ABCB1: variants seen among roughly 807,000 people sequenced by gnomAD.
ABCB1 encodes ATP-dependent translocase ABCB1.
In ABCB1, 69 loss-of-function variants were observed where a neutral mutation model predicts 142.0. The observed-to-expected ratio is 0.49, with a 90% confidence interval of 0.40 to 0.59. The LOEUF (loss-of-function observed/expected upper bound fraction) is 0.59. ABCB1 is among the 20% of genes least tolerant of loss of function. The pLI, the probability that ABCB1 is intolerant of heterozygous loss-of-function variation, is 0.00. For missense variants in ABCB1, 1,326 were observed against 1,554.7 expected, an observed-to-expected ratio of 0.85 and a Z score of 2.47; for synonymous variants, 532 against 539.2, an observed-to-expected ratio of 0.99 and a Z score of 0.18.
intron 1 of ABCB1, among the ~76,000 whole-genome samples, chr7:87,622,709 A>C (rs1296286556): frequency 6.6e-6 from 1 of 152,166 alleles, no homozygotes; most frequent in Non-Finnish European, 1.5e-5. Flanking sequence ...TTACTTTCTC[A>C]AAAAGGCAGT....
chr7:87,635,154 C>G (rs1368580361), intron 1 of ABCB1, among the ~76,000 whole-genome samples: 1 of 152,154 alleles, frequency 6.6e-6, no homozygotes, highest in African/African-American at 2.4e-5. Context: ...CTTCTATTCC[C>G]TCTTACAGGT....
At chr7:87,679,428 A>T (rs1025879355) in intron 1 of ABCB1, among the ~76,000 whole-genome samples, 6 of 148,950 alleles carry the variant, frequency 4.0e-5, no homozygotes, top group Admixed American at 2.0e-4. Context: ...TCACCCTGTC[A>T]CCCAGGTTGG....
chr7:87,709,326 A>G (rs373138837), intron 1 of ABCB1: 8 of 985,194 alleles, frequency 8.1e-6, no homozygotes, highest in Non-Finnish European at 8.4e-6. Flanking sequence ...AGACACCGCT[A>G]CTAGTTTCTG....
At chr7:87,574,261 C>T (rs1195028994) in intron 4 of ABCB1, among the ~76,000 whole-genome samples, 2 of 152,154 alleles carry the variant, frequency 1.3e-5, no homozygotes, top group Admixed American at 1.3e-4. Context: ...GACGAGAGAG[C>T]TTGACGGAAT....
intron 1 of ABCB1, among the ~76,000 whole-genome samples, chr7:87,687,548 A>G (rs936705577): frequency 6.6e-6 from 1 of 152,176 alleles, no homozygotes; most frequent in Non-Finnish European, 1.5e-5. Flanking sequence ...TACCAGGACT[A>G]AGATCTTCAT....
chr7:87,689,984 T>G (rs897531897), intron 1 of ABCB1, among the ~76,000 whole-genome samples: 12 of 152,056 alleles, frequency 7.9e-5, no homozygotes, highest in African/African-American at 2.7e-4. Flanking sequence ...TGTCATAGAT[T>G]TTTTTTTAAA....
intron 1 of ABCB1, among the ~76,000 whole-genome samples, chr7:87,648,614 T>C (rs1475278870): frequency 1.3e-5 from 2 of 152,162 alleles, no homozygotes; most frequent in Admixed American, 6.5e-5. Flanking sequence ...TTACTCTTCA[T>C]AAGTTTCTTA....
intron 27 of ABCB1, among the ~76,000 whole-genome samples, chr7:87,505,445 C>T (rs373087032): frequency 2.0e-5 from 3 of 152,130 alleles, no homozygotes; most frequent in African/African-American, 7.2e-5. Context: ...ATACAGACTC[C>T]CGAATTTTTT....
At chr7:87,664,476 A>C (rs2130473486) in intron 1 of ABCB1, among the ~76,000 whole-genome samples, 1 of 152,348 alleles carries the variant, frequency 6.6e-6, no homozygotes, top group Admixed American at 6.5e-5. Context: ...AGGCAAAGAC[A>C]TCAAAGCAGC....
intron 1 of ABCB1, among the ~76,000 whole-genome samples, chr7:87,643,763 G>T (rs1261079462): frequency 6.6e-6 from 1 of 152,102 alleles, no homozygotes; most frequent in Non-Finnish European, 1.5e-5. Flanking sequence ...CTGAGCTCAG[G>T]CAATCTGCCT....
intron 1 of ABCB1, among the ~76,000 whole-genome samples, chr7:87,687,968 G>A (rs1213164291): frequency 6.6e-6 from 1 of 152,100 alleles, no homozygotes; most frequent in African/African-American, 2.4e-5. Context: ...GTTGGAAAAT[G>A]AGACTTAAAT....
At chr7:87,698,843 G>A (rs573194731) in intron 1 of ABCB1, among the ~76,000 whole-genome samples, 3 of 152,282 alleles carry the variant, frequency 2.0e-5, no homozygotes, top group African/African-American at 7.2e-5. Context: ...TAGCTGTTGG[G>A]ATCATACATG....
chr7:87,689,381 A>G (rs961794708), intron 1 of ABCB1, among the ~76,000 whole-genome samples: 1 of 152,126 alleles, frequency 6.6e-6, no homozygotes, highest in Non-Finnish European at 1.5e-5. Context: ...GCAAATTAGC[A>G]TAGAGCAATT....
At chr7:87,595,637 C>T (rs1179512198) in intron 3 of ABCB1, 129 bp downstream of exon 3, 5 of 729,836 alleles carry the variant, frequency 6.9e-6, no homozygotes, top group Non-Finnish European at 1.2e-5. Flanking sequence ...TAAATCAAAC[C>T]AATTTATTTT....
chr7:87,649,524 G>A (rs1454847467), intron 1 of ABCB1, among the ~76,000 whole-genome samples: 1 of 152,172 alleles, frequency 6.6e-6, no homozygotes, highest in Non-Finnish European at 1.5e-5. Flanking sequence ...GAATATGCAG[G>A]TGGATAATTC....
intron 4 of ABCB1, among the ~76,000 whole-genome samples, chr7:87,572,897 G>A: frequency 7.4e-6 from 1 of 135,192 alleles, no homozygotes; most frequent in South Asian, 2.7e-4. Context: ...GACTTTTGGA[G>A]TGTGGAGGGT....
At chr7:87,577,790 T>C (rs993591733) in intron 4 of ABCB1, among the ~76,000 whole-genome samples, 1 of 152,224 alleles carries the variant, frequency 6.6e-6, no homozygotes, top group Non-Finnish European at 1.5e-5. Context: ...TATTGAGTTG[T>C]TTGAGTTCCT....
chr7:87,631,987 A>G (rs1821269489), intron 1 of ABCB1, among the ~76,000 whole-genome samples: 1 of 152,222 alleles, frequency 6.6e-6, no homozygotes. Context: ...ATGATAAGAT[A>G]AATGTTTATA....
chr7:87,703,504 A>T (rs1309249044), intron 1 of ABCB1, among the ~76,000 whole-genome samples: 1 of 152,160 alleles, frequency 6.6e-6, no homozygotes, highest in Admixed American at 6.5e-5. Context: ...TCACTTGTTA[A>T]AGCCACTGCT....
Sources: gnomAD v4.1 joint callset for allele counts (sites outside exome capture counted in the v4.1 genomes callset) on GRCh38, gnomAD v4.1.1 for gene constraint, MANE v1.5 for transcripts, NCBI Gene and HGNC (gene_info 2026-07-23, HGNC 2026-07-21) for gene names.